Variants in FAS observed in about 807,000 individuals in gnomAD.
FAS encodes the protein Fas cell surface death receptor.
A neutral mutation model predicts 33.2 loss-of-function variants in FAS; 5 were observed. The observed-to-expected ratio is 0.15, with a 90% CI of 0.08 to 0.32. The LOEUF (loss-of-function observed/expected upper bound fraction) is 0.32. Ranked by LOEUF, FAS falls within the 10% of genes least tolerant of loss-of-function variation. The pLI, the probability that FAS is intolerant of heterozygous loss-of-function variation, is 1.00. For synonymous variants in FAS, 131 were observed against 130.7 expected, an observed-to-expected ratio of 1.00 and a Z score of -0.01; for missense variants, 339 against 386.0, an observed-to-expected ratio of 0.88 and a Z score of 1.02.
At chr10:88,980,739 G>A (rs1846690680) in intron 2 of FAS, among the ~76,000 whole-genome samples, 1 of 152,208 alleles carries the variant, frequency 6.6e-6, no homozygotes, top group Non-Finnish European at 1.5e-5. Flanking sequence ...TTAGGAATGA[G>A]ACTCGAGCCA....
At chr10:88,976,204 T>TA (rs944323068) in intron 2 of FAS, among the ~76,000 whole-genome samples, 58 of 149,588 alleles carry the variant, frequency 3.9e-4, no homozygotes, top group African/African-American at 9.3e-4. Flanking sequence ...GCTGATGAGC[T>TA]AAAAAAAAAA....
Position 89,003,093 on chromosome 10 carries a change from C to A in FAS, c.95C>A (p.Ser32Tyr), listed in dbSNP as rs866603022. ...SVNAQVTDIN[S>Y]KGLELRKTVT... ...AATGCCCAAGTGACTGACATCAACT[C>A]CAAGGGATTGGAATTGAGGAAGACT... The change falls in exon 2 of 9, where the codon TCC (serine) becomes TAC (tyrosine). Residue 32 changes from serine to tyrosine, a missense_variant. Transcript: ENST00000652046. 1.2e-5 allele frequency: 19 copies of A among 1,614,002 alleles called. No individual in the cohort carries two copies. The highest frequency in any genetic ancestry group is 1.6e-5 in the Non-Finnish European group (19 of 1,180,014).
At chr10:88,969,016 G>A (rs1846374144) in intron 1 of FAS, among the ~76,000 whole-genome samples, 1 of 151,886 alleles carries the variant, frequency 6.6e-6, no homozygotes, top group South Asian at 2.1e-4. Context: ...AATGTGTTTA[G>A]GTAGAAGATC....
At chr10:88,992,841 T>C (rs1437286609) in intron 1 of FAS, among the ~76,000 whole-genome samples, 1 of 152,218 alleles carries the variant, frequency 6.6e-6, no homozygotes, top group Non-Finnish European at 1.5e-5. Context: ...ATCAGGCCTT[T>C]ATCCTTAAAG....
In FAS at chr10:89,015,496, A is replaced by AT. The variant is rs1425475929; in HGVS notation, c.*1047dup. 7 of 534,654 alleles carry AT rather than the reference A, an allele frequency of 1.3e-5. No homozygotes were observed. The highest frequency in any genetic ancestry group is 1.1e-4 in the Admixed American group (5 of 45,042). The allele number at this position is 534,654 out of a possible 1,614,324, so 33.1% of individuals were successfully genotyped here. ...GCAGCTTATACATAGCAATGGTAAA[A>AT]TCATCATCTGGATTTAGGAATTGCT... On this transcript the variant is annotated 3_prime_UTR_variant, in exon 9 of 9. Coordinates refer to ENST00000652046, the MANE Select transcript of FAS (RefSeq NM_000043.6).
intron 1 of FAS, among the ~76,000 whole-genome samples, chr10:88,998,298 A>G (rs1460926852): frequency 1.3e-5 from 2 of 151,178 alleles, no homozygotes; most frequent in Non-Finnish European, 2.9e-5. Flanking sequence ...TTTTTAATTT[A>G]GAAATTTATA....
At chr10:88,990,497 C>T (rs539634291), upstream of FAS, 27 of 575,394 alleles carry the variant, frequency 4.7e-5, 1 homozygote, top group South Asian at 4.2e-4. The surrounding 1 kb of genome is among the most constrained non-coding windows in gnomAD (Gnocchi z 4.9). Flanking sequence ...TGCAACGAAC[C>T]CTGACTCCTT....
intron 6 of FAS, 121 bp downstream of exon 6, chr10:89,010,936 C>A: frequency 8.4e-7 from 1 of 1,186,724 alleles, no homozygotes; most frequent in Non-Finnish European, 1.2e-6. Flanking sequence ...TTGTTAATTT[C>A]TTGCCCCTGA....
At chr10:88,978,322 C>G (rs1460955864) in intron 2 of FAS, among the ~76,000 whole-genome samples, 1 of 148,816 alleles carries the variant, frequency 6.7e-6, no homozygotes, top group Admixed American at 6.7e-5. Flanking sequence ...GTGGGTGCAG[C>G]GCACCAGCAT....
At chr10:89,004,157 C>A (rs1356184361) in intron 2 of FAS, among the ~76,000 whole-genome samples, 1 of 152,188 alleles carries the variant, frequency 6.6e-6, no homozygotes, top group African/African-American at 2.4e-5. Context: ...GAATTGAAAT[C>A]TTTGTTCATA....
upstream of FAS, chr10:88,989,335 T>G: frequency 6.1e-6 from 2 of 326,550 alleles, no homozygotes; most frequent in South Asian, 4.8e-5. Context: ...TTTTCCTTCC[T>G]TCTTTTTACA....
chr10:88,984,418 C>A (rs539829254), upstream of FAS, among the ~76,000 whole-genome samples: 6 of 152,118 alleles, frequency 3.9e-5, no homozygotes, highest in Admixed American at 2.6e-4. Context: ...TTACACCCCA[C>A]AGTCATGAAG....
rs551730462 is a variant in FAS, at chr10:88,971,098, T to C, written n.95-2084T>C. On this transcript the variant is annotated intron_variant and non_coding_transcript_variant, in intron 1 of 3. Coordinates refer to the FAS transcript ENST00000688239. Reference sequence around the variant, plus strand: ...AGACATTTTCCCGAATAATGGCGTCTGATTTTCAAGCAATGCTTAGCCAAT... The same window carrying C: ...AGACATTTTCCCGAATAATGGCGTCCGATTTTCAAGCAATGCTTAGCCAAT... Among the ~76,000 whole-genome samples, 187 of 152,338 alleles carry C rather than the reference T, an allele frequency of 1.2e-3. 1 individual carries two copies. The highest frequency in any genetic ancestry group is 4.3e-3 in the African/African-American group (177 of 41,586).
At chr10:89,008,387 C>T (rs1479822556) in intron 3 of FAS, among the ~76,000 whole-genome samples, 2 of 152,162 alleles carry the variant, frequency 1.3e-5, no homozygotes, top group South Asian at 2.1e-4. Context: ...AAGCTTTTCC[C>T]ATCCCTATTC....
At chr10:88,991,367 G>A (rs1269464978) in intron 1 of FAS, 1 of 298,848 alleles carries the variant, frequency 3.3e-6, no homozygotes, top group Non-Finnish European at 6.5e-6. Flanking sequence ...GTGAGTGCGC[G>A]CCGCCCCGCG....
chr10:88,964,717 G>A (rs1846290890), intron 1 of FAS, among the ~76,000 whole-genome samples: 4 of 152,114 alleles, frequency 2.6e-5, no homozygotes, highest in Non-Finnish European at 1.5e-5. Context: ...ATATTTTGGG[G>A]TGGCATATTC....
Position 89,003,146 on chromosome 10 carries a change from G to C in FAS, c.148G>C (p.Glu50Gln). ...TVTTVETQNL[E>Q]GLHHDGQFCH... is the part of the protein sequence containing the mutation. ...TACTACAGTTGAGACTCAGAACTTGGAAGGCCTGCATCATGATGGCCAATT... is the reference window on the plus strand; with the variant it reads ...TACTACAGTTGAGACTCAGAACTTGCAAGGCCTGCATCATGATGGCCAATT... The change falls in exon 2 of 9, where the codon GAA becomes CAA. Residue 50 changes from glutamate (E) to glutamine (Q), a missense_variant. Physicochemically the swap from Glu to Gln is conservative, Grantham distance 29. Coordinates refer to ENST00000652046, the MANE Select transcript of FAS (RefSeq NM_000043.6). 1 of 1,614,144 alleles carries C rather than the reference G, an allele frequency of 6.2e-7. No homozygotes were observed. Among genetic ancestry groups the C allele is most frequent in the Non-Finnish European group, 8.5e-7 (1 of 1,179,996 alleles).
At chr10:89,005,179 G>A (rs1564688756) in intron 2 of FAS, among the ~76,000 whole-genome samples, 1 of 119,008 alleles carries the variant, frequency 8.4e-6, no homozygotes, top group Non-Finnish European at 1.7e-5. Context: ...AAAACGAAGG[G>A]AGGGAGGGAG....
chr10:88,986,162 C>T (rs1429807154), upstream of FAS, among the ~76,000 whole-genome samples: 1 of 152,060 alleles, frequency 6.6e-6, no homozygotes, highest in Admixed American at 6.5e-5. Context: ...AGAAACATTG[C>T]CTTAAGCTAA....
Sources: gnomAD v4.1 joint callset for allele counts (sites outside exome capture counted in the v4.1 genomes callset) on GRCh38, gnomAD v4.1.1 for gene constraint, Gnocchi (gnomAD v3.1) non-coding constraint, MANE v1.5 for transcripts, NCBI Gene and HGNC (gene_info 2026-07-23, HGNC 2026-07-21) for gene names.